The following ZMAT4 variants were observed in gnomAD, a reference collection of about 807,000 sequenced individuals.
ZMAT4 encodes zinc finger matrin-type 4.
Under a neutral mutation model 28.7 loss-of-function variants are expected in ZMAT4, and 17 were observed. The ratio of observed to expected loss-of-function variants is 0.59; its 90% confidence interval spans 0.41 to 0.89. The LOEUF is 0.89. Among genes scored for constraint, ZMAT4 ranks in the 40% least tolerant of loss-of-function variants. ZMAT4 has a pLI of 0.00. For synonymous variants in ZMAT4, 117 were observed against 109.2 expected (o/e 1.07, Z -0.44); for missense variants, 240 against 283.8 (o/e 0.85, Z 1.11).
chr8:40,779,573 T>C (rs4389925), intron 2 of ZMAT4, among the ~76,000 whole-genome samples: 79,249 of 151,758 alleles, frequency 0.52, 20,811 homozygotes, highest in South Asian at 0.6. Context: ...AGTTTGATCC[T>C]TGGATCACCT....
At chr8:40,642,297 C>T (rs1023026470) in intron 5 of ZMAT4, among the ~76,000 whole-genome samples, 4 of 152,128 alleles carry the variant, frequency 2.6e-5, no homozygotes, top group Non-Finnish European at 4.4e-5. Context: ...ACTGTTCTAG[C>T]GGGTGAACAT....
chr8:40,710,430 A>C (rs2150507104), intron 3 of ZMAT4, among the ~76,000 whole-genome samples: 1 of 152,326 alleles, frequency 6.6e-6, no homozygotes, highest in East Asian at 1.9e-4. Flanking sequence ...CAAACCCTGT[A>C]ATTGTGATTT....
intron 5 of ZMAT4, among the ~76,000 whole-genome samples, chr8:40,591,934 T>C (rs1334808857): frequency 6.6e-6 from 1 of 151,906 alleles, no homozygotes; most frequent in Non-Finnish European, 1.5e-5. Flanking sequence ...TTATTTCCTA[T>C]TTCAAAATTA....
intron 5 of ZMAT4, among the ~76,000 whole-genome samples, chr8:40,587,989 G>T (rs1804723198): frequency 6.6e-6 from 1 of 151,926 alleles, no homozygotes; most frequent in Admixed American, 6.6e-5. Context: ...ATGACAAGAT[G>T]TTTTTACCAG....
chr8:40,762,270 T>C (rs113809165), intron 3 of ZMAT4, among the ~76,000 whole-genome samples: 1,973 of 152,278 alleles, frequency 0.013, 44 homozygotes, highest in African/African-American at 0.046. Flanking sequence ...CACATGTACG[T>C]AGTTAAGAAG....
chr8:40,675,923 G>A (rs1047104216), intron 4 of ZMAT4, among the ~76,000 whole-genome samples: 1 of 152,126 alleles, frequency 6.6e-6, no homozygotes, highest in Non-Finnish European at 1.5e-5. Context: ...AGATTGCATT[G>A]TTCCACCTAT....
intron 5 of ZMAT4, among the ~76,000 whole-genome samples, chr8:40,647,531 G>C (rs1297589085): frequency 6.6e-6 from 1 of 152,176 alleles, no homozygotes; most frequent in African/African-American, 2.4e-5. Context: ...GCTTGATTAG[G>C]TAAACAAAGC....
intron 2 of ZMAT4, among the ~76,000 whole-genome samples, chr8:40,792,521 AAGGAAGGAAGGG>A (rs1814380482): frequency 4.2e-5 from 1 of 23,758 alleles, no homozygotes; most frequent in African/African-American, 1.8e-4. Context: ...GGAAGGAAGG[AAGGAAGGAAGGG>A]ACAGAGGGAG....
intron 2 of ZMAT4, among the ~76,000 whole-genome samples, chr8:40,790,503 T>A (rs112082037): frequency 6.6e-6 from 1 of 152,152 alleles, no homozygotes; most frequent in African/African-American, 2.4e-5. Context: ...TTTTAAAGAA[T>A]AACATTTATA....
At chr8:40,563,192 C>T (rs77986662) in intron 6 of ZMAT4, among the ~76,000 whole-genome samples, 7,113 of 152,228 alleles carry the variant, frequency 0.047, 350 homozygotes, top group East Asian at 0.24. Flanking sequence ...ATTCTCATTC[C>T]CCAGCCCAGG....
intron 4 of ZMAT4, among the ~76,000 whole-genome samples, chr8:40,685,000 T>C (rs1010122492): frequency 1.3e-5 from 2 of 152,226 alleles, no homozygotes; most frequent in African/African-American, 4.8e-5. Flanking sequence ...ACCTATGGTT[T>C]GCAAGCTATG....
In ZMAT4 at chr8:40,808,850, T is replaced by TAAA. The variant is rs36013592; in HGVS notation, c.102+16722_102+16724dup. Reference sequence around the variant, plus strand: ...ATGCTTATCCTGGATGCCAACTATTTAAAAAAAAAAAAAAACTATTCCCGA... The same window carrying TAAA: ...ATGCTTATCCTGGATGCCAACTATTTAAAAAAAAAAAAAAAAAACTATTCCCGA... On this transcript the variant is annotated intron_variant, in intron 2 of 6. Coordinates refer to ENST00000297737, the MANE Select transcript of ZMAT4 (RefSeq NM_024645.3). Among the ~76,000 whole-genome samples, 640 of 145,132 alleles carry TAAA rather than the reference T, an allele frequency of 4.4e-3. 6 individuals carry two copies. The highest frequency in any genetic ancestry group is 0.015 in the African/African-American group (598 of 39,386).
chr8:40,701,435 A>T (rs1810138927), intron 3 of ZMAT4, among the ~76,000 whole-genome samples: 1 of 151,622 alleles, frequency 6.6e-6, no homozygotes, highest in African/African-American at 2.4e-5. Flanking sequence ...CCAGTTATTC[A>T]CATAGTGCAA....
At chr8:40,686,566 TG>T (rs1215631752) in intron 4 of ZMAT4, among the ~76,000 whole-genome samples, 3 of 152,120 alleles carry the variant, frequency 2.0e-5, no homozygotes, top group Non-Finnish European at 4.4e-5. Flanking sequence ...CCCAGGAAGC[TG>T]CAGTGAGCCG....
rs371593448 is a variant in ZMAT4 at position 40,833,040 on chromosome 8, T to C, written c.-4-7360A>G. ...TGTGGAAAGAAAAAACTCTTTGCTC[T>C]CTAGGCTGTCTACCAACAATGGGAA... On this transcript the variant is annotated intron_variant, in intron 1 of 6. Transcript: ENST00000297737. Among the ~76,000 whole-genome samples, 17 of 152,276 alleles carry C rather than the reference T, an allele frequency of 1.1e-4. No individual in the cohort carries two copies. The East Asian group carries it at 3.1e-3, about 28-fold the overall frequency.
At chr8:40,563,252 C>T (rs1158892324) in intron 6 of ZMAT4, among the ~76,000 whole-genome samples, 1 of 152,204 alleles carries the variant, frequency 6.6e-6, no homozygotes, top group Non-Finnish European at 1.5e-5. Flanking sequence ...TGCATCATCT[C>T]TCCCTTCTCT....
At chr8:40,570,067 C>A (rs2118503696) in intron 6 of ZMAT4, among the ~76,000 whole-genome samples, 1 of 152,230 alleles carries the variant, frequency 6.6e-6, no homozygotes, top group South Asian at 2.1e-4. Flanking sequence ...AAAGAAAGAA[C>A]TAATGACACG....
intron 2 of ZMAT4, among the ~76,000 whole-genome samples, chr8:40,769,190 A>G (rs1160837082): frequency 6.6e-6 from 1 of 152,188 alleles, no homozygotes; most frequent in Admixed American, 6.5e-5. Flanking sequence ...TTAGAAATAT[A>G]TTGTCAACAC....
At chr8:40,651,967 AC>A (rs1807682481) in intron 5 of ZMAT4, among the ~76,000 whole-genome samples, 1 of 108,664 alleles carries the variant, frequency 9.2e-6, no homozygotes, top group Non-Finnish European at 2.0e-5. Flanking sequence ...TAGACCTAAA[AC>A]CATAAAAACC....
Sources: allele counts gnomAD v4.1 joint callset (sites outside exome capture counted in the v4.1 genomes callset), GRCh38; gene constraint gnomAD v4.1.1; transcripts MANE v1.5; gene names NCBI Gene and HGNC (gene_info 2026-07-23, HGNC 2026-07-21).